Variants in IKZF2 observed in about 807,000 individuals in gnomAD.
The protein encoded by IKZF2 is IKAROS family zinc finger 2.
Under a neutral mutation model 49.2 loss-of-function variants are expected in IKZF2, and 15 were observed. The observed-to-expected ratio is 0.30, with a 90% confidence interval of 0.20 to 0.47. The LOEUF (loss-of-function observed/expected upper bound fraction) is 0.47, where lower values mean the gene tolerates loss of function less well. Among genes scored for constraint, IKZF2 ranks in the 20% least tolerant of loss-of-function variants. IKZF2 has a pLI of 1.00. For synonymous variants in IKZF2, 227 were observed against 221.4 expected (o/e 1.03, Z -0.23); for missense variants, 567 against 664.6 (o/e 0.85, Z 1.61).
chr2:213,075,125 G>C (rs530736502), intron 4 of IKZF2, among the ~76,000 whole-genome samples: 1 of 152,212 alleles, frequency 6.6e-6, no homozygotes, highest in African/African-American at 2.4e-5. Context: ...TTAAAGTTTT[G>C]TTCTGTTCTG....
chr2:213,025,023 T>A (rs1697668705), intron 6 of IKZF2, among the ~76,000 whole-genome samples: 2 of 152,106 alleles, frequency 1.3e-5, no homozygotes, highest in South Asian at 4.1e-4. Flanking sequence ...TGAAGCGGAC[T>A]TTTTCTGCTA....
chr2:213,140,786 T>C (rs1387095382), intron 4 of IKZF2, among the ~76,000 whole-genome samples: 1 of 152,006 alleles, frequency 6.6e-6, no homozygotes, highest in Non-Finnish European at 1.5e-5. Flanking sequence ...AGAATTTTGA[T>C]TTAATGGGGC....
At chr2:213,082,754 A>C (rs1177884436) in intron 4 of IKZF2, among the ~76,000 whole-genome samples, 1 of 152,226 alleles carries the variant, frequency 6.6e-6, no homozygotes, top group Non-Finnish European at 1.5e-5. Context: ...ACCTGCTGCC[A>C]ACTCCATACA....
chr2:213,068,662 C>G (rs926406703), intron 4 of IKZF2, among the ~76,000 whole-genome samples: 4 of 151,838 alleles, frequency 2.6e-5, no homozygotes, highest in African/African-American at 9.7e-5. Context: ...ATATTTGAAA[C>G]GTCTGGGCAT....
At chr2:213,127,070 T>C (rs1386306086) in intron 4 of IKZF2, among the ~76,000 whole-genome samples, 1 of 152,172 alleles carries the variant, frequency 6.6e-6, no homozygotes, top group Non-Finnish European at 1.5e-5. Context: ...GCTACTTACA[T>C]CAAATGCTAT....
intron 6 of IKZF2, among the ~76,000 whole-genome samples, chr2:213,032,792 G>A (rs574184764): frequency 6.6e-6 from 1 of 152,200 alleles, no homozygotes; most frequent in Non-Finnish European, 1.5e-5. Context: ...GTGGAGGAGG[G>A]TGTTGCCTTG....
intron 4 of IKZF2, among the ~76,000 whole-genome samples, chr2:213,124,450 A>G (rs1429341336): frequency 6.6e-6 from 1 of 152,212 alleles, no homozygotes; most frequent in African/African-American, 2.4e-5. Flanking sequence ...GATTATCTTT[A>G]GGTCAAAGAA....
chr2:213,025,673 T>C (rs1697743501), intron 6 of IKZF2, among the ~76,000 whole-genome samples: 1 of 152,086 alleles, frequency 6.6e-6, no homozygotes, highest in Non-Finnish European at 1.5e-5. Flanking sequence ...GCCTTTTGAG[T>C]CTTGCCTCAT....
At chr2:213,149,266 T>G (rs1277917468) in intron 2 of IKZF2, among the ~76,000 whole-genome samples, 1 of 152,130 alleles carries the variant, frequency 6.6e-6, no homozygotes, top group Non-Finnish European at 1.5e-5. Flanking sequence ...TGCCAGACCA[T>G]GCTTGGACAC....
intron 4 of IKZF2, among the ~76,000 whole-genome samples, chr2:213,057,757 C>T (rs1701300899): frequency 6.6e-6 from 1 of 152,124 alleles, no homozygotes. Flanking sequence ...TAAAAAATTA[C>T]CTATGGAACA....
intron 4 of IKZF2, 59 bp downstream of exon 4, chr2:213,147,649 A>C (rs573044495): frequency 8.0e-7 from 1 of 1,255,144 alleles, no homozygotes; most frequent in East Asian, 2.3e-5. Context: ...CTAACAAATT[A>C]AAGTCTGTTG....
chr2:213,021,024 C>T (rs956565525), intron 7 of IKZF2, among the ~76,000 whole-genome samples: 1 of 152,022 alleles, frequency 6.6e-6, no homozygotes, highest in Non-Finnish European at 1.5e-5. Flanking sequence ...ACCAGCCTGG[C>T]CAACATGGCG....
intron 6 of IKZF2, among the ~76,000 whole-genome samples, chr2:213,042,402 A>C (rs1699749429): frequency 1.3e-5 from 2 of 152,184 alleles, no homozygotes; most frequent in East Asian, 3.9e-4. Context: ...AAAACACTGA[A>C]TTCTTGGAGC....
At chr2:213,129,414 C>A (rs938992352) in intron 4 of IKZF2, among the ~76,000 whole-genome samples, 5 of 149,990 alleles carry the variant, frequency 3.3e-5, no homozygotes, top group Non-Finnish European at 7.4e-5. Context: ...AGGAAGAAAA[C>A]GTGTCCCAAA....
intron 4 of IKZF2, among the ~76,000 whole-genome samples, chr2:213,083,801 C>T (rs911939547): frequency 4.6e-5 from 7 of 150,702 alleles, no homozygotes; most frequent in Admixed American, 1.3e-4. Flanking sequence ...TGTCTCCCAT[C>T]ACCCCCAGAC....
Position 213,150,196 on chromosome 2 carries a change from C to A in IKZF2, c.-68G>T. 2 of 1,303,142 alleles carry A rather than the reference C, an allele frequency of 1.5e-6. No individual in the cohort carries two copies. Among genetic ancestry groups the A allele is most frequent in the Non-Finnish European group, 2.0e-6 (2 of 987,688 alleles). The allele number at this position is 1,303,142 out of a possible 1,614,324, so 80.7% of individuals were successfully genotyped here. ...GATTCATCACCATTTCCAGCTCTGTCGGGAGATCTCAGCTTCTTCTAACCC... is the reference window on the plus strand; with the variant it reads ...GATTCATCACCATTTCCAGCTCTGTAGGGAGATCTCAGCTTCTTCTAACCC... On this transcript the variant is annotated 5_prime_UTR_variant, in exon 2 of 9. Coordinates refer to ENST00000434687, the MANE Select transcript of IKZF2 (RefSeq NM_001387220.1).
intron 4 of IKZF2, chr2:213,147,493 C>A: frequency 1.6e-6 from 1 of 644,566 alleles, no homozygotes; most frequent in Admixed American, 2.3e-5. Context: ...AGCACCAGCT[C>A]CCAAATGCCA....
chr2:213,107,564 T>C (rs1312404127), intron 4 of IKZF2, among the ~76,000 whole-genome samples: 1 of 152,244 alleles, frequency 6.6e-6, no homozygotes, highest in Non-Finnish European at 1.5e-5. Flanking sequence ...GGAAGGTATG[T>C]AAATCATGGT....
At chr2:213,053,524 T>A (rs1423899374) in intron 5 of IKZF2, among the ~76,000 whole-genome samples, 3 of 152,142 alleles carry the variant, frequency 2.0e-5, no homozygotes, top group Admixed American at 1.3e-4. Context: ...TGGAACAACC[T>A]ACAAATATGC....
Sources: allele counts gnomAD v4.1 joint callset (sites outside exome capture counted in the v4.1 genomes callset), GRCh38; gene constraint gnomAD v4.1.1; transcripts MANE v1.5; gene names NCBI Gene and HGNC (gene_info 2026-07-23, HGNC 2026-07-21).